Variants in GPC5 observed in about 807,000 individuals in gnomAD.
The protein encoded by GPC5 is glypican-5.
A neutral mutation model predicts 53.9 loss-of-function variants in GPC5; 47 were observed. The ratio of observed to expected loss-of-function variants is 0.87; its 90% CI spans 0.69 to 1.11. GPC5 has a LOEUF of 1.11. Among genes scored for constraint, GPC5 ranks in the 50% most tolerant of loss-of-function variants. The pLI is 0.00. For synonymous variants in GPC5, 286 were observed against 263.3 expected, an observed-to-expected ratio of 1.09 and a Z score of -0.84; for missense variants, 748 against 713.1, an observed-to-expected ratio of 1.05 and a Z score of -0.56.
chr13:91,896,397 G>A (rs1047580535), intron 5 of GPC5, among the ~76,000 whole-genome samples: 1 of 152,082 alleles, frequency 6.6e-6, no homozygotes, highest in South Asian at 2.1e-4. Flanking sequence ...GGGATTACAG[G>A]CATGAGCCAC....
rs189239681 is a variant in GPC5 at position 92,006,975 on chromosome 13, A to C, written c.1401+98918A>C. The stretch of plus-strand genomic sequence containing the variant: ...AATTCTGCTTTAATTACATATCTTC[A>C]ATCATATTGCTTAGTTAAGTATTAA... On this transcript the variant is annotated intron_variant, in intron 6 of 7. Coordinates refer to ENST00000377067, the MANE Select transcript of GPC5 (RefSeq NM_004466.6). 1.5e-4 allele frequency among the ~76,000 whole-genome samples: 20 copies of C among 136,304 alleles called. 1 individual carries two copies. The highest frequency in any genetic ancestry group is 7.9e-4 in the Admixed American group (11 of 13,936). The allele number at this position is 136,304 out of a possible 152,430, so 89.4% of individuals were successfully genotyped here.
At chr13:92,162,895 G>A (rs758930895) in intron 7 of GPC5, among the ~76,000 whole-genome samples, 12 of 151,988 alleles carry the variant, frequency 7.9e-5, no homozygotes, top group Non-Finnish European at 1.6e-4. Flanking sequence ...ACTTGTGTGT[G>A]TGTGTTTATA....
chr13:91,886,857 C>T (rs529955405), intron 5 of GPC5, among the ~76,000 whole-genome samples: 9 of 152,188 alleles, frequency 5.9e-5, no homozygotes, highest in Non-Finnish European at 1.0e-4. Context: ...CAGCCTCCCT[C>T]CTGGCTGCTT....
intron 7 of GPC5, among the ~76,000 whole-genome samples, chr13:92,180,328 A>T (rs2042137629): frequency 6.6e-6 from 1 of 152,244 alleles, no homozygotes; most frequent in African/African-American, 2.4e-5. Context: ...CATTTTAACA[A>T]ATGGGAAAAT....
chr13:92,284,170 C>T (rs1294708942), intron 7 of GPC5, among the ~76,000 whole-genome samples: 1 of 152,038 alleles, frequency 6.6e-6, no homozygotes. Context: ...ACACATACAC[C>T]CTTCCAAGAC....
chr13:92,128,168 C>G (rs142692193), intron 6 of GPC5, among the ~76,000 whole-genome samples: 2 of 152,200 alleles, frequency 1.3e-5, no homozygotes, highest in Non-Finnish European at 2.9e-5. Flanking sequence ...ATGCTGGTAT[C>G]CCTGTCTGTC....
chr13:92,193,210 C>T (rs1408235236), intron 7 of GPC5, among the ~76,000 whole-genome samples: 1 of 152,040 alleles, frequency 6.6e-6, no homozygotes, highest in Non-Finnish European at 1.5e-5. Flanking sequence ...GCATATTATG[C>T]TCAGGTAGAA....
At chr13:92,660,334 C>A (rs1274732205) in intron 7 of GPC5, among the ~76,000 whole-genome samples, 1 of 151,844 alleles carries the variant, frequency 6.6e-6, no homozygotes, top group Non-Finnish European at 1.5e-5. Flanking sequence ...CTAGTGATCA[C>A]AAATTATATA....
chr13:91,964,216 G>C (rs895138323), intron 6 of GPC5, among the ~76,000 whole-genome samples: 3 of 152,178 alleles, frequency 2.0e-5, no homozygotes, highest in Non-Finnish European at 4.4e-5. Context: ...AGGCAGTGCA[G>C]ACCCAAAGAG....
intron 6 of GPC5, among the ~76,000 whole-genome samples, chr13:92,037,192 T>C (rs1303442239): frequency 2.0e-5 from 3 of 151,890 alleles, no homozygotes; most frequent in Non-Finnish European, 2.9e-5. Context: ...TGCACACACA[T>C]GCTCATACAC....
At chr13:91,470,636 G>A (rs1692348920) in intron 2 of GPC5, among the ~76,000 whole-genome samples, 1 of 152,146 alleles carries the variant, frequency 6.6e-6, no homozygotes, top group Non-Finnish European at 1.5e-5. Flanking sequence ...TCTAGCTTAT[G>A]TGTGTTTTTC....
chr13:91,948,931 T>C (rs939279721), intron 6 of GPC5, among the ~76,000 whole-genome samples: 2 of 152,204 alleles, frequency 1.3e-5, no homozygotes, highest in African/African-American at 4.8e-5. Context: ...AAGAGAGACA[T>C]ATGGTATGTC....
At chr13:92,199,020 T>C (rs1238853378) in intron 7 of GPC5, among the ~76,000 whole-genome samples, 1 of 152,210 alleles carries the variant, frequency 6.6e-6, no homozygotes, top group Non-Finnish European at 1.5e-5. Context: ...CAAAAAATAC[T>C]GTTTGATACT....
At chr13:92,497,228 A>C (rs183976317) in intron 7 of GPC5, among the ~76,000 whole-genome samples, 36 of 152,100 alleles carry the variant, frequency 2.4e-4, no homozygotes, top group African/African-American at 8.4e-4. Flanking sequence ...TAGGGTTTTT[A>C]TGGCTTGGGG....
intron 6 of GPC5, among the ~76,000 whole-genome samples, chr13:91,982,097 G>A (rs1423622952): frequency 6.6e-6 from 1 of 152,212 alleles, no homozygotes; most frequent in Non-Finnish European, 1.5e-5. Context: ...GAAGATGACA[G>A]GGTAAGATCT....
At chr13:91,880,051 G>T (rs563087838) in intron 5 of GPC5, among the ~76,000 whole-genome samples, 1 of 152,046 alleles carries the variant, frequency 6.6e-6, no homozygotes, top group South Asian at 2.1e-4. Context: ...ATAGTTTTGG[G>T]TCCATTTTAT....
intron 7 of GPC5, among the ~76,000 whole-genome samples, chr13:92,533,975 C>T (rs1347478190): frequency 6.6e-6 from 1 of 152,098 alleles, no homozygotes; most frequent in Non-Finnish European, 1.5e-5. Flanking sequence ...TCCAATACTA[C>T]TTGGGCGCTG....
intron 7 of GPC5, among the ~76,000 whole-genome samples, chr13:92,638,338 G>C (rs1046868067): frequency 6.6e-6 from 1 of 152,092 alleles, no homozygotes; most frequent in African/African-American, 2.4e-5. Flanking sequence ...TAAAGAAAAG[G>C]AAACCTTCTC....
At chr13:92,548,734 T>C (rs2139012835) in intron 7 of GPC5, among the ~76,000 whole-genome samples, 1 of 152,284 alleles carries the variant, frequency 6.6e-6, no homozygotes, top group East Asian at 1.9e-4. Flanking sequence ...AACCTTTCCA[T>C]TACTTTTCCC....
Sources: allele counts gnomAD v4.1 joint callset (sites outside exome capture counted in the v4.1 genomes callset), GRCh38; gene constraint gnomAD v4.1.1; transcripts MANE v1.5; gene names NCBI Gene and HGNC (gene_info 2026-07-23, HGNC 2026-07-21).